The following OTOG variants were observed in gnomAD, a reference collection of about 807,000 sequenced individuals.
The protein encoded by OTOG is otogelin.
OTOG carries 296 observed loss-of-function variants against 313.8 expected under a neutral mutation model. The observed-to-expected ratio is 0.94, with a 90% CI of 0.86 to 1.04. The LOEUF is 1.04. Ranked by LOEUF, OTOG falls within the 50% of genes least tolerant of loss-of-function variation. The probability of loss-of-function intolerance (pLI) is 0.00; values close to 1 mark genes in which losing one functional copy is unlikely to be tolerated. For synonymous variants in OTOG, 1,533 were observed against 1,554.9 expected, an observed-to-expected ratio of 0.99 and a Z score of 0.33; for missense variants, 3,948 against 3,840.1, an observed-to-expected ratio of 1.03 and a Z score of -0.74.
At chr11:17,595,979 T>C in intron 28 of OTOG, 59 bp from the exon 29 acceptor site, 1 of 1,199,192 alleles carries the variant, frequency 8.3e-7, no homozygotes. Flanking sequence ...CTGTCTGTCA[T>C]GTCAGGCAAC....
intron 34 of OTOG, among the ~76,000 whole-genome samples, chr11:17,608,728 G>T (rs1227470365): frequency 6.6e-6 from 1 of 152,180 alleles, no homozygotes; most frequent in African/African-American, 2.4e-5. Flanking sequence ...ACTGATTTTT[G>T]TGGGAGTCTC....
intron 28 of OTOG, 76 bp from the exon 29 acceptor site, chr11:17,595,962 C>A: frequency 9.6e-7 from 1 of 1,043,776 alleles, no homozygotes; most frequent in Non-Finnish European, 1.5e-6. Context: ...GGCGGCCACC[C>A]TAAAATCTGT....
intron 39 of OTOG, among the ~76,000 whole-genome samples, chr11:17,619,788 G>T (rs1347478654): frequency 6.6e-6 from 1 of 152,100 alleles, no homozygotes; most frequent in Non-Finnish European, 1.5e-5. Flanking sequence ...CTTCTAAAGA[G>T]ATTTTTAAAA....
Position 17,610,003 on chromosome 11 carries a change from C to A in OTOG, c.4703C>A (p.Ser1568Ter). ...GCCATCCCCCATACACCAGAGTCCT[C>A]ATCCCTCCCTGTTGCACTGCAGACA... ...LLAIPHTPESSSLPVALQTPT... is the reference protein window; with the variant it reads ...LLAIPHTPES The change falls in exon 36 of 56, where the codon TCA (serine) becomes TAA (stop). Residue 1568 changes from serine to a stop codon, truncating the protein, a stop_gained. Coordinates refer to ENST00000399397, the MANE Select transcript of OTOG (RefSeq NM_001292063.2). LOFTEE classifies it high-confidence loss of function. The A allele has an allele frequency of 6.5e-7, 1 of 1,544,744 alleles. No individual in the cohort carries two copies. Among genetic ancestry groups the A allele is most frequent in the Non-Finnish European group, 8.7e-7 (1 of 1,142,984 alleles).
At position 17,613,622 on chromosome 11, in the gene OTOG, A is replaced by C; in HGVS notation, c.6449A>C (p.Asn2150Thr). 6.4e-7 allele frequency: 1 copy of C among 1,550,668 alleles called. No individual in the cohort carries two copies. The highest frequency in any genetic ancestry group is 8.7e-7 in the Non-Finnish European group (1 of 1,147,020). ...GGGTTCTCTCTGCAGGGGCACCTGA[A>C]CTGGCCCCCGTTCTGTCTGGTGATG... ...DCKSANLGHL[N>T]WPPFCLVMLN... The change falls in exon 39 of 56, where the codon AAC (asparagine) becomes ACC (threonine). Residue 2150 changes from asparagine (N) to threonine (T), a missense_variant. Transcript: ENST00000399397.
rs1315587689 is a variant in OTOG, at chr11:17,602,362, A to G, written c.3862A>G (p.Lys1288Glu). 1.3e-6 allele frequency: 2 copies of G among 1,550,224 alleles called. No homozygotes were observed. The highest frequency in any genetic ancestry group is 8.7e-7 in the Non-Finnish European group (1 of 1,146,762). Residue 1288 changes from lysine to glutamate, a missense_variant, in exon 32 of 56, where the codon AAG becomes GAG. Physicochemically the swap from Lys to Glu is moderately conservative, Grantham distance 56. Transcript: ENST00000399397. ...CTTCCTGCTGACAGCTGCTCTGTAC[A>G]AGGCCAAGGCCCATGGTAAGGCCCA... ...VSFLLTAALY[K>E]AKAHDPDVVS...
chr11:17,595,756 A>G (rs951641586), intron 28 of OTOG, among the ~76,000 whole-genome samples: 6 of 152,110 alleles, frequency 3.9e-5, no homozygotes, highest in Admixed American at 2.6e-4. Context: ...TTGCTTCCTC[A>G]CAGCCAGCAA....
rs567428169 is a variant in OTOG at position 17,552,069 on chromosome 11, C to G, written c.286C>G (p.Pro96Ala). 1.6e-4 allele frequency: 251 copies of G among 1,550,498 alleles called. No individual in the cohort carries two copies. Among genetic ancestry groups the G allele is most frequent in the Non-Finnish European group, 2.0e-4 (235 of 1,146,864 alleles). ...ERRLHRAKCA[P>A]SYLFSCFNGG... ...GCGGCTCCATCGGGCCAAGTGTGCACCATCCTGTAAGTGGCACCTTCACTG... is the reference window on the plus strand; with the variant it reads ...GCGGCTCCATCGGGCCAAGTGTGCAGCATCCTGTAAGTGGCACCTTCACTG... The change falls in exon 4 of 56, where the codon CCA (proline) becomes GCA (alanine). Residue 96 changes from proline (P) to alanine (A), a missense_variant. By Grantham distance (27) the Pro-to-Ala change is conservative. Transcript: ENST00000399397.
intron 25 of OTOG, among the ~76,000 whole-genome samples, chr11:17,592,075 G>A (rs1429404363): frequency 4.6e-5 from 7 of 152,154 alleles, no homozygotes; most frequent in Non-Finnish European, 8.8e-5. Context: ...AATCTGACTG[G>A]AGAGTTGGTG....
rs150663245 is a variant in OTOG at position 17,645,925 on chromosome 11, G to A, written c.8723G>A (p.Cys2908Tyr). The A allele has an allele frequency of 2.6e-6, 4 of 1,549,626 alleles. No homozygotes were observed. In the African/African-American group the frequency reaches 4.1e-5, roughly 16 times the overall value. The change falls in exon 56 of 56, where the codon TGT becomes TAT. Residue 2908 changes from cysteine (C) to tyrosine (Y), a missense_variant. By Grantham distance (194) the Cys-to-Tyr change is radical. Coordinates refer to ENST00000399397, the MANE Select transcript of OTOG (RefSeq NM_001292063.2). ...TATACAGTGCAGGAGCCCACCGACT[G>A]TGCCTGCCAGTGGTCCTGAGGCCTG... ...VPYTVQEPTD[C>Y]ACQWS
intron 49 of OTOG, among the ~76,000 whole-genome samples, chr11:17,639,762 T>C (rs1847929193): frequency 6.6e-6 from 1 of 151,850 alleles, no homozygotes; most frequent in Non-Finnish European, 1.5e-5. Context: ...GTGAGGAGGA[T>C]GGTGGTGGTG....
rs994520870 is a variant in OTOG at position 17,576,805 on chromosome 11, A to G, written c.2562-63A>G. On this transcript the variant is annotated intron_variant, in intron 21 of 55. Transcript: ENST00000399397. The stretch of plus-strand genomic sequence containing the variant: ...TCTGCAGTGACCCGAGTGCAGCAAC[A>G]TGGGGTGTCTGGGTCCTGCAGTGAC... The G allele has an allele frequency of 7.2e-6, 11 of 1,534,400 alleles. No homozygotes were observed. In the African/African-American group the frequency reaches 1.2e-4, roughly 17 times the overall value.
At chr11:17,638,972 C>T (rs1565130058) in intron 48 of OTOG, 1 of 393,246 alleles carries the variant, frequency 2.5e-6, no homozygotes, top group African/African-American at 2.1e-5. Flanking sequence ...GTGATAGGTG[C>T]CTTTAAGAGG....
At chr11:17,609,319 A>T (rs1012812729) in intron 35 of OTOG, 110 bp downstream of exon 35, 18 of 997,676 alleles carry the variant, frequency 1.8e-5, no homozygotes, top group Non-Finnish European at 2.7e-5. Flanking sequence ...CAAGATCAGC[A>T]CAGGGACCTT....
In OTOG at chr11:17,631,865, C is replaced by G; in HGVS notation, c.6876C>G (p.Asp2292Glu). Reference protein sequence around the residue: ...RFRPDSCATTDCSPCLRMVSN... With the variant: ...RFRPDSCATTECSPCLRMVSN... Reference sequence around the variant, plus strand: ...GCCCAGACAGCTGCGCCACAACTGACTGCTCGCCCTGCCTTCGCATGGTGT... The same window carrying G: ...GCCCAGACAGCTGCGCCACAACTGAGTGCTCGCCCTGCCTTCGCATGGTGT... The change falls in exon 41 of 56, where the codon GAC becomes GAG. Residue 2292 changes from aspartate to glutamate, a missense_variant. Transcript: ENST00000399397. 1 of 1,550,598 alleles carries G rather than the reference C, an allele frequency of 6.4e-7. No individual in the cohort carries two copies. Among genetic ancestry groups the G allele is most frequent in the African/African-American group, 1.4e-5 (1 of 73,198 alleles).
At chr11:17,599,786 G>A (rs1303151724) in intron 31 of OTOG, 89 bp downstream of exon 31, 21 of 1,449,850 alleles carry the variant, frequency 1.4e-5, no homozygotes, top group Non-Finnish European at 1.8e-5. Context: ...ATCCCGAGGC[G>A]CTGCTGGCCC....
At chr11:17,593,795 G>T in intron 27 of OTOG, 39 bp downstream of exon 27, 1 of 1,540,676 alleles carries the variant, frequency 6.5e-7, no homozygotes, top group East Asian at 2.5e-5. Context: ...CCTGCCTGGG[G>T]CTAAGCCAAG....
intron 3 of OTOG, among the ~76,000 whole-genome samples, chr11:17,548,683 G>A (rs1851865357): frequency 6.6e-6 from 1 of 151,970 alleles, no homozygotes; most frequent in Non-Finnish European, 1.5e-5. Context: ...GGAAGGTTTG[G>A]TTGAGAAGCA....
intron 33 of OTOG, among the ~76,000 whole-genome samples, chr11:17,606,617 G>A (rs529728688): frequency 1.3e-5 from 2 of 152,328 alleles, no homozygotes; most frequent in South Asian, 4.1e-4. Flanking sequence ...TTCCACCAAC[G>A]CCAAGGGGAT....
Sources: allele counts gnomAD v4.1 joint callset (sites outside exome capture counted in the v4.1 genomes callset), GRCh38; gene constraint gnomAD v4.1.1; transcripts MANE v1.5; gene names NCBI Gene and HGNC (gene_info 2026-07-23, HGNC 2026-07-21).